Variants in ANKRD28 observed in about 807,000 individuals in gnomAD.
ANKRD28 encodes ankyrin repeat domain 28.
ANKRD28 carries 44 observed loss-of-function variants against 126.5 expected under a neutral mutation model. The ratio of observed to expected loss-of-function variants is 0.35; its 90% CI spans 0.27 to 0.45. The LOEUF is 0.45. Among genes scored for constraint, ANKRD28 ranks in the 20% least tolerant of loss-of-function variants. The pLI is 1.00. For synonymous variants in ANKRD28, 442 were observed against 468.5 expected, an observed-to-expected ratio of 0.94 and a Z score of 0.73; for missense variants, 1,110 against 1,316.6, an observed-to-expected ratio of 0.84 and a Z score of 2.43.
rs2125901333 is a variant in ANKRD28 at position 15,817,097 on chromosome 3, C to T, written c.28-21791G>A. Among the ~76,000 whole-genome samples the T allele has an allele frequency of 6.6e-6, 1 of 152,162 alleles. No individual in the cohort carries two copies. The highest frequency in any genetic ancestry group is 2.1e-4 in the South Asian group (1 of 4,820). The stretch of plus-strand genomic sequence containing the variant: ...GCACACATCTGAATACTGTAAAGGC[C>T]CAGTCTTCCACAGAGTGAGCATCGT... On this transcript the variant is annotated intron_variant, in intron 1 of 27. Transcript: ENST00000399451. This position sits in a 1 kb window ranked among gnomAD's most constrained non-coding sequence, Gnocchi z 4.5.
At chr3:15,673,810 A>G (rs1236111978) in intron 27 of ANKRD28, among the ~76,000 whole-genome samples, 1 of 152,144 alleles carries the variant, frequency 6.6e-6, no homozygotes, top group Non-Finnish European at 1.5e-5. Flanking sequence ...GGCATGGCAG[A>G]ATGAAGTAGA....
intron 15 of ANKRD28, 87 bp downstream of exon 15, chr3:15,696,047 G>T: frequency 1.1e-6 from 1 of 913,052 alleles, no homozygotes; most frequent in South Asian, 1.6e-5. Flanking sequence ...AATGGAATTT[G>T]TTCCTTGATC....
intron 27 of ANKRD28, among the ~76,000 whole-genome samples, chr3:15,674,645 G>A (rs2066748593): frequency 6.6e-6 from 1 of 152,166 alleles, no homozygotes; most frequent in Non-Finnish European, 1.5e-5. Flanking sequence ...CAAAGGAACT[G>A]ATGAGAGCAC....
chr3:15,695,411 T>C (rs1415205602), intron 15 of ANKRD28, among the ~76,000 whole-genome samples, 197 bp from the exon 16 acceptor site: 14 of 152,234 alleles, frequency 9.2e-5, no homozygotes, highest in African/African-American at 3.4e-4. Context: ...AATTTTGGTG[T>C]GAATATCCAT....
chr3:15,712,248 T>G, intron 10 of ANKRD28, 26 bp from the exon 11 acceptor site: 1 of 1,522,308 alleles, frequency 6.6e-7, no homozygotes, highest in Non-Finnish European at 8.9e-7. Flanking sequence ...CAGGACAGTA[T>G]CTTCATTTTA....
rs149716329 is a variant in ANKRD28 at position 15,714,018 on chromosome 3, AC to A, written c.1076-378del. Among the ~76,000 whole-genome samples the A allele has an allele frequency of 5.6e-3, 857 of 152,302 alleles. 6 individuals carry two copies. Among genetic ancestry groups the A allele is most frequent in the African/African-American group, 0.02 (817 of 41,570 alleles). ...TGCTTCAAAAAATATTGGATCATGAACCTATTTCAACTTTTCCCCTGCAAAA... is the reference window on the plus strand; with the variant it reads ...TGCTTCAAAAAATATTGGATCATGAACTATTTCAACTTTTCCCCTGCAAAA... On this transcript the variant is annotated intron_variant, in intron 9 of 27. Coordinates refer to ENST00000683139, the MANE Select transcript of ANKRD28 (RefSeq NM_001349278.2).
intron 1 of ANKRD28, among the ~76,000 whole-genome samples, chr3:15,841,423 G>A (rs2061422946): frequency 6.6e-6 from 1 of 151,624 alleles, no homozygotes; most frequent in Non-Finnish European, 1.5e-5. Flanking sequence ...CAGAATGGGA[G>A]AAAATATTTT....
intron 17 of ANKRD28, among the ~76,000 whole-genome samples, chr3:15,690,427 C>T (rs1456655850): frequency 6.6e-6 from 1 of 152,156 alleles, no homozygotes; most frequent in African/African-American, 2.4e-5. Flanking sequence ...AACAGGCATT[C>T]TAAAAATAAT....
chr3:15,678,362 A>T lies in ANKRD28; in HGVS notation c.2562-8T>A, dbSNP rs1352708406. Reference sequence around the variant, plus strand: ...GCTGCATGGAGAGGAGTTCTGTGATAAAGAAAAATTGAAATATATGACTAA... The same window carrying T: ...GCTGCATGGAGAGGAGTTCTGTGATTAAGAAAAATTGAAATATATGACTAA... On this transcript the variant is annotated splice_region_variant and splice_polypyrimidine_tract_variant and intron_variant, in intron 23 of 27. Transcript: ENST00000683139. 1.3e-6 allele frequency: 2 copies of T among 1,584,592 alleles called. No homozygotes were observed. Among genetic ancestry groups the T allele is most frequent in the Non-Finnish European group, 1.7e-6 (2 of 1,170,938 alleles).
Position 15,714,596 on chromosome 3 carries a change from G to A in ANKRD28, c.1057C>T (p.Gln353Ter). The A allele has an allele frequency of 6.4e-7, 1 of 1,573,546 alleles. No individual in the cohort carries two copies. Among genetic ancestry groups the A allele is most frequent in the South Asian group, 1.2e-5 (1 of 86,828 alleles). The change falls in exon 9 of 28, where the codon CAA (glutamine) becomes TAA (stop). Residue 353 changes from glutamine to a stop codon, truncating the protein, a stop_gained. Coordinates refer to ENST00000683139, the MANE Select transcript of ANKRD28 (RefSeq NM_001349278.2). LOFTEE classifies it high-confidence loss of function. ...TALHGRFSRSQTIIQSGAVID... is the reference protein window; with the variant it reads ...TALHGRFSRS ...TTTTTACCACTCTGGATAATGGTTT[G>A]TGATCGGGAGAATCTACCGTGGAGA... is the stretch of plus-strand genomic sequence containing the variant.
Position 15,846,945 on chromosome 3 carries a change from C to T in ANKRD28, c.27+12432G>A, listed in dbSNP as rs1277028096. Among the ~76,000 whole-genome samples, 1 of 152,158 alleles carries T rather than the reference C, an allele frequency of 6.6e-6. No homozygotes were observed. Among genetic ancestry groups the T allele is most frequent in the African/African-American group, 2.4e-5 (1 of 41,432 alleles). On this transcript the variant is annotated intron_variant, in intron 1 of 27. Coordinates refer to the ANKRD28 transcript ENST00000399451. This position sits in a 1 kb window ranked among gnomAD's most constrained non-coding sequence, Gnocchi z 5.4. ...CCAGATTTCAATCATATGGCCATCC[C>T]CAAACACAAAAGGTCTAGTAAATAT...
At chr3:15,679,963 A>G (rs968919502) in intron 21 of ANKRD28, among the ~76,000 whole-genome samples, 2 of 152,174 alleles carry the variant, frequency 1.3e-5, no homozygotes, top group African/African-American at 4.8e-5. Context: ...GAGATGATTT[A>G]AAGTATAGCA....
At chr3:15,835,102 C>T (rs983153810) in intron 1 of ANKRD28, among the ~76,000 whole-genome samples, 1 of 151,866 alleles carries the variant, frequency 6.6e-6, no homozygotes, top group East Asian at 1.9e-4. Flanking sequence ...GAGCTGAGAT[C>T]GCACCACTGC....
Position 15,720,943 on chromosome 3 carries a change from A to G in ANKRD28, c.968T>C (p.Val323Ala), listed in dbSNP as rs755936976. The G allele has an allele frequency of 1.2e-5, 19 of 1,613,674 alleles. No individual in the cohort carries two copies. In the South Asian group the frequency reaches 2.0e-4, roughly 17 times the overall value. ...CATATTGACATCGGCCCCATTGCCA[A>G]CTAGAAGCTCTAAACACAATGCTCC... The part of the protein sequence containing the change: ...THGALCLELL[V>A]GNGADVNMKS... Residue 323 changes from valine to alanine, a missense_variant, in exon 8 of 28, where the codon GTT (valine) becomes GCT (alanine). Coordinates refer to ENST00000683139, the MANE Select transcript of ANKRD28 (RefSeq NM_001349278.2).
intron 14 of ANKRD28, among the ~76,000 whole-genome samples, chr3:15,703,478 T>C (rs1394372797): frequency 6.6e-6 from 1 of 152,174 alleles, no homozygotes; most frequent in African/African-American, 2.4e-5. Flanking sequence ...AGTGTCCTTA[T>C]AAATAAGGCC....
At chr3:15,837,094 CG>C (rs1265098259) in intron 1 of ANKRD28, among the ~76,000 whole-genome samples, 1 of 116,690 alleles carries the variant, frequency 8.6e-6, no homozygotes, top group Non-Finnish European at 1.9e-5. Flanking sequence ...AGCAAGACTC[CG>C]TCTCAAAAAA....
chr3:15,672,457 T>G (rs2066475983), intron 27 of ANKRD28, among the ~76,000 whole-genome samples: 1 of 152,096 alleles, frequency 6.6e-6, no homozygotes, highest in African/African-American at 2.4e-5. Flanking sequence ...AAGTAATTTT[T>G]CCCCCTTTGT....
At chr3:15,712,848 A>G (rs2072499527) in intron 10 of ANKRD28, among the ~76,000 whole-genome samples, 1 of 152,256 alleles carries the variant, frequency 6.6e-6, no homozygotes, top group Non-Finnish European at 1.5e-5. Context: ...TAATAAGCTC[A>G]TGTAATTTTT....
At chr3:15,750,796 T>C (rs1173932656) in intron 4 of ANKRD28, among the ~76,000 whole-genome samples, 4 of 152,140 alleles carry the variant, frequency 2.6e-5, no homozygotes, top group Non-Finnish European at 4.4e-5. Context: ...CATAGTCCCA[T>C]GATGGACAGA....
Sources: allele counts gnomAD v4.1 joint callset (sites outside exome capture counted in the v4.1 genomes callset), GRCh38; gene constraint gnomAD v4.1.1; non-coding constraint Gnocchi (gnomAD v3.1); transcripts MANE v1.5; gene names NCBI Gene and HGNC (gene_info 2026-07-23, HGNC 2026-07-21).